DRG1: variants seen among roughly 807,000 people sequenced by gnomAD.
The protein encoded by DRG1 is developmentally-regulated GTP-binding protein 1.
In DRG1, 19 loss-of-function variants were observed where a neutral mutation model predicts 38.8. The observed-to-expected ratio is 0.49, with a 90% CI of 0.34 to 0.72. DRG1 has a LOEUF of 0.72. Among genes scored for constraint, DRG1 ranks in the 30% least tolerant of loss-of-function variants. The pLI is 0.01. For missense variants in DRG1, 299 were observed against 444.8 expected, an observed-to-expected ratio of 0.67 and a Z score of 2.95; for synonymous variants, 167 against 157.5, an observed-to-expected ratio of 1.06 and a Z score of -0.45.
intron 4 of DRG1, 23 bp from the exon 5 acceptor site, chr22:31,420,233 T>A (rs969615786): frequency 8.7e-6 from 14 of 1,606,990 alleles, no homozygotes; most frequent in Non-Finnish European, 1.2e-5. Flanking sequence ...CTTTCTTGCG[T>A]ATGTTTTTTT....
chr22:31,416,591 C>G (rs1289645688), intron 4 of DRG1, among the ~76,000 whole-genome samples: 1 of 151,970 alleles, frequency 6.6e-6, no homozygotes, highest in African/African-American at 2.4e-5. Flanking sequence ...CCCATCTCTA[C>G]TAAAAATACA....
intron 6 of DRG1, among the ~76,000 whole-genome samples, chr22:31,424,116 C>T (rs1056790744): frequency 2.6e-4 from 39 of 151,384 alleles, no homozygotes; most frequent in African/African-American, 7.8e-4. Context: ...CACCCCACCT[C>T]GGTCTCCCAA....
Position 31,433,072 on chromosome 22 carries a change from A to G in DRG1, c.1005-800A>G, listed in dbSNP as rs185388054. Among the ~76,000 whole-genome samples the G allele has an allele frequency of 4.7e-4, 72 of 152,138 alleles. 3 individuals carry two copies. Among genetic ancestry groups the G allele is most frequent in the African/African-American group, 1.6e-3 (66 of 41,492 alleles). On this transcript the variant is annotated intron_variant, in intron 8 of 8. Transcript: ENST00000331457. ...ATATTCCAGTAAATCGGGAGGACATATCAATTACAGTTTCTGGTTAGGGAG... is the reference window on the plus strand; with the variant it reads ...ATATTCCAGTAAATCGGGAGGACATGTCAATTACAGTTTCTGGTTAGGGAG...
At chr22:31,405,191 CAG>C (rs1601524558) in intron 3 of DRG1, among the ~76,000 whole-genome samples, 1 of 146,486 alleles carries the variant, frequency 6.8e-6, no homozygotes, top group Non-Finnish European at 1.5e-5. Context: ...TTTTTTGAGA[CAG>C]AGTCTTGCTG....
Position 31,426,691 on chromosome 22 carries a change from G to A in DRG1, c.790G>A (p.Val264Met). Residue 264 changes from valine (V) to methionine (M), a missense_variant, in exon 7 of 9, where the codon GTG becomes ATG. This residue lies in a region of DRG1 where 198 missense variants were observed against 268.1 expected (regional missense o/e 0.74). Transcript: ENST00000331457. ...TGAGGAATTGGATATCATCTATAAG[G>A]TGCCTCACTGTGTACCCATCTCTGC... ...SIEELDIIYK[V>M]PHCVPISAHH... 1.2e-6 allele frequency: 2 copies of A among 1,614,030 alleles called. No homozygotes were observed. The highest frequency in any genetic ancestry group is 1.7e-6 in the Non-Finnish European group (2 of 1,179,974).
rs561143450 is a variant in DRG1, at chr22:31,423,453, C to G, written c.713+43C>G. On this transcript the variant is annotated intron_variant, in intron 6 of 8. Coordinates refer to ENST00000331457, the MANE Select transcript of DRG1 (RefSeq NM_004147.4). ...AGTCTGTGCCTGACTGAATTGGAAG[C>G]CTTGTGATGGAAACAGTATTGGATC... The G allele has an allele frequency of 3.1e-6, 5 of 1,609,590 alleles. No homozygotes were observed. In the South Asian group the frequency reaches 5.5e-5, roughly 18 times the overall value.
chr22:31,414,337 C>T (rs1008450107), intron 4 of DRG1, among the ~76,000 whole-genome samples: 2 of 152,072 alleles, frequency 1.3e-5, no homozygotes, highest in Non-Finnish European at 2.9e-5. Context: ...TCAAAGTTAA[C>T]GTGTAAGATT....
chr22:31,420,174 GA>G (rs576244138), intron 4 of DRG1, 81 bp from the exon 5 acceptor site: 16,085 of 1,493,394 alleles, frequency 0.011, 130 homozygotes, highest in Middle Eastern at 0.016. Flanking sequence ...AATGTAGGGG[GA>G]AAAAACACCT....
At chr22:31,425,367 C>T (rs867121106) in intron 6 of DRG1, among the ~76,000 whole-genome samples, 2 of 151,848 alleles carry the variant, frequency 1.3e-5, no homozygotes, top group African/African-American at 4.8e-5. Context: ...TACAGAAGTC[C>T]GAGCAGGCCA....
At chr22:31,431,019 T>C (rs1216403023) in intron 8 of DRG1, among the ~76,000 whole-genome samples, 6 of 81,014 alleles carry the variant, frequency 7.4e-5, no homozygotes, top group Admixed American at 1.7e-4. Flanking sequence ...CACCCGGCCT[T>C]CCCCCCCCCC....
chr22:31,416,698 A>C (rs1280300694), intron 4 of DRG1, among the ~76,000 whole-genome samples: 2 of 152,016 alleles, frequency 1.3e-5, no homozygotes, highest in Non-Finnish European at 2.9e-5. Context: ...AGATGAAGAG[A>C]TCGAGACCAT....
intron 8 of DRG1, among the ~76,000 whole-genome samples, chr22:31,428,069 C>T (rs1298392707): frequency 6.6e-6 from 1 of 152,116 alleles, no homozygotes; most frequent in Non-Finnish European, 1.5e-5. Flanking sequence ...CCAGGCTGGT[C>T]TTGAATTCCT....
intron 6 of DRG1, among the ~76,000 whole-genome samples, chr22:31,424,492 T>TG (rs1303253818): frequency 1.5e-5 from 2 of 129,862 alleles, no homozygotes; most frequent in Admixed American, 7.8e-5. Context: ...TGGTTTCTTT[T>TG]TTTTTTTTTT....
rs940327256 is a variant in DRG1 at position 31,427,122 on chromosome 22, G to C, written c.944G>C (p.Arg315Thr). The change falls in exon 8 of 9, where the codon AGG (arginine) becomes ACG (threonine). Residue 315 changes from arginine (R) to threonine (T), a missense_variant. Coordinates refer to ENST00000331457, the MANE Select transcript of DRG1 (RefSeq NM_004147.4). The part of the protein sequence containing the change: ...YTSPVVLPYS[R>T]TTVEDFCMKI... ...TCCCCAGTGGTGCTTCCTTACTCCAGGACCACAGTGGAGGATTTCTGCATG... is the reference window on the plus strand; with the variant it reads ...TCCCCAGTGGTGCTTCCTTACTCCACGACCACAGTGGAGGATTTCTGCATG... The C allele has an allele frequency of 6.2e-7, 1 of 1,614,040 alleles. No individual in the cohort carries two copies. Among genetic ancestry groups the C allele is most frequent in the Non-Finnish European group, 8.5e-7 (1 of 1,180,006 alleles).
At chr22:31,402,992 A>G (rs751410080) in intron 2 of DRG1, 37 bp from the exon 3 acceptor site, 1 of 1,588,766 alleles carries the variant, frequency 6.3e-7, no homozygotes, top group South Asian at 1.2e-5. Flanking sequence ...ACTCTGGGGG[A>G]TAACTCTCCT....
At chr22:31,404,002 G>A (rs1370120978) in intron 3 of DRG1, among the ~76,000 whole-genome samples, 1 of 33,696 alleles carries the variant, frequency 3.0e-5, no homozygotes, top group African/African-American at 8.3e-5. Context: ...TTTTTTTTTG[G>A]TAGGATGCTA....
At chr22:31,414,032 G>A (rs908598587) in intron 4 of DRG1, among the ~76,000 whole-genome samples, 1 of 152,136 alleles carries the variant, frequency 6.6e-6, no homozygotes, top group African/African-American at 2.4e-5. Flanking sequence ...CATCCTTGGA[G>A]TATTTGCTTT....
At chr22:31,399,812 T>A in intron 1 of DRG1, 87 bp downstream of exon 1, 1 of 1,599,050 alleles carries the variant, frequency 6.3e-7, no homozygotes, top group Non-Finnish European at 8.6e-7. Flanking sequence ...TTGAGCCGCG[T>A]CAGGACCGGG....
intron 4 of DRG1, 81 bp from the exon 5 acceptor site, chr22:31,420,175 A>G (rs761806826): frequency 1.2e-5 from 18 of 1,463,204 alleles, no homozygotes; most frequent in Non-Finnish European, 1.7e-5. Flanking sequence ...ATGTAGGGGG[A>G]AAAAACACCT....
Sources: gnomAD v4.1 joint callset for allele counts (sites outside exome capture counted in the v4.1 genomes callset) on GRCh38, gnomAD v4.1.1 for gene constraint, gnomAD v4.1.1 regional missense constraint, MANE v1.5 for transcripts, NCBI Gene and HGNC (gene_info 2026-07-23, HGNC 2026-07-21) for gene names.